Variants in DSE observed in about 807,000 individuals in gnomAD.
The protein encoded by DSE is dermatan sulfate epimerase.
Under a neutral mutation model 84.4 loss-of-function variants are expected in DSE, and 36 were observed. That is an observed-to-expected ratio of 0.43 (90% CI 0.33 to 0.56). The LOEUF (loss-of-function observed/expected upper bound fraction) is 0.56. Ranked by LOEUF, DSE falls within the 20% of genes least tolerant of loss-of-function variation. The pLI is 0.06. For missense variants in DSE, 862 were observed against 1,169.6 expected, an observed-to-expected ratio of 0.74 and a Z score of 3.84; for synonymous variants, 410 against 430.1, an observed-to-expected ratio of 0.95 and a Z score of 0.58.
At chr6:116,281,457 G>A (rs1484230183) in intron 2 of DSE, among the ~76,000 whole-genome samples, 2 of 152,194 alleles carry the variant, frequency 1.3e-5, no homozygotes, top group African/African-American at 4.8e-5. Flanking sequence ...ATCTATGGGT[G>A]CCTCAAGTTG....
chr6:116,396,527 G>A (rs927617206), intron 1 of DSE, among the ~76,000 whole-genome samples: 8 of 152,124 alleles, frequency 5.3e-5, no homozygotes, highest in Non-Finnish European at 7.4e-5. Context: ...TATTTTAAAT[G>A]TACAGTAATG....
intron 2 of DSE, among the ~76,000 whole-genome samples, chr6:116,334,442 GCT>G (rs1222382606): frequency 6.6e-6 from 1 of 152,092 alleles, no homozygotes; most frequent in Non-Finnish European, 1.5e-5. Flanking sequence ...AGAGAATTAG[GCT>G]CTCTTTGCCA....
At chr6:116,318,401 G>A (rs1280204930) in intron 2 of DSE, among the ~76,000 whole-genome samples, 2 of 152,172 alleles carry the variant, frequency 1.3e-5, no homozygotes, top group African/African-American at 4.8e-5. Flanking sequence ...AGCTACTTGG[G>A]AGGCTGAGGC....
chr6:116,259,890 T>C (rs961243212), intron 2 of DSE, among the ~76,000 whole-genome samples: 5 of 152,250 alleles, frequency 3.3e-5, no homozygotes, highest in African/African-American at 1.2e-4. Flanking sequence ...TAGCCTATCA[T>C]TGATGAGCAT....
At chr6:116,402,054 A>G (rs933036921) in intron 2 of DSE, among the ~76,000 whole-genome samples, 3 of 152,190 alleles carry the variant, frequency 2.0e-5, no homozygotes, top group Non-Finnish European at 2.9e-5. Context: ...TTGATCAACA[A>G]ACGTTTATTG....
chr6:116,382,245 AT>A (rs1262057422), intron 1 of DSE, among the ~76,000 whole-genome samples: 9 of 152,180 alleles, frequency 5.9e-5, no homozygotes, highest in Non-Finnish European at 1.0e-4. Context: ...GTGGAACAAA[AT>A]TTAACCTTTA....
chr6:116,312,474 G>C lies in DSE; in HGVS notation c.-54+53507G>C, dbSNP rs563129233. ...GGGATTTAATGGTGAGGAAGCATAA[G>C]GAGCATTTCAGGAAAGCATTGCAGC... On this transcript the variant is annotated intron_variant, in intron 2 of 3. Transcript: ENST00000430252. Among the ~76,000 whole-genome samples the C allele has an allele frequency of 2.3e-4, 35 of 152,280 alleles. No individual in the cohort carries two copies. The South Asian group carries it at 5.8e-3, about 25-fold the overall frequency.
At position 116,374,233 on chromosome 6, in the gene DSE, ATT is replaced by A. The variant is rs1413904527; in HGVS notation, c.-54+3113_-54+3114del. ...AGCATATATTAAATATTACATAACC[ATT>A]AGCATACTTGAATCATAAATATAGT... is the stretch of plus-strand genomic sequence containing the variant. On this transcript the variant is annotated intron_variant, in intron 1 of 5. Coordinates refer to ENST00000644252, the MANE Select transcript of DSE (RefSeq NM_013352.4). Among the ~76,000 whole-genome samples, 8 of 152,354 alleles carry A rather than the reference ATT, an allele frequency of 5.3e-5. No individual in the cohort carries two copies. The East Asian group carries it at 1.5e-3, about 29-fold the overall frequency.
At chr6:116,374,066 C>T (rs1779774487) in intron 1 of DSE, among the ~76,000 whole-genome samples, 1 of 152,132 alleles carries the variant, frequency 6.6e-6, no homozygotes, top group African/African-American at 2.4e-5. Flanking sequence ...ATTACATAAC[C>T]TGAAACTGTC....
chr6:116,274,968 T>C (rs1773057862), intron 2 of DSE, among the ~76,000 whole-genome samples: 1 of 152,230 alleles, frequency 6.6e-6, no homozygotes, highest in Admixed American at 6.5e-5. Context: ...GTAGCCACAT[T>C]AAACAATGGC....
chr6:116,382,086 C>T (rs1446428879), intron 1 of DSE, among the ~76,000 whole-genome samples: 13 of 142,466 alleles, frequency 9.1e-5, no homozygotes, highest in African/African-American at 3.4e-4. Flanking sequence ...CAAATTTCCA[C>T]TCTTTATAAA....
At chr6:116,366,356 C>T (rs925649748), upstream of DSE, 4 of 152,150 alleles carry the variant, frequency 2.6e-5, no homozygotes, top group African/African-American at 4.8e-5. Flanking sequence ...ATTTAATAAA[C>T]GTGCCCTCTG....
intron 2 of DSE, among the ~76,000 whole-genome samples, chr6:116,406,937 C>T (rs151246975): frequency 2.6e-5 from 4 of 152,048 alleles, no homozygotes; most frequent in Admixed American, 6.6e-5. Context: ...AAAAAAGAAA[C>T]GGTTAGAAGC....
rs748503331 is a variant in DSE at position 116,279,435 on chromosome 6, T to C, written c.-54+20468T>C. 1.6e-5 allele frequency: 26 copies of C among 1,613,398 alleles called. No homozygotes were observed. The Admixed American group carries it at 4.0e-4, about 25-fold the overall frequency. On this transcript the variant is annotated intron_variant, in intron 2 of 3. Transcript: ENST00000430252. ...CGGATCTCTGGGCGCCACAGATTTC[T>C]AGGGCCTTCTCTCCACCCTGAACGC...
intron 2 of DSE, among the ~76,000 whole-genome samples, chr6:116,302,185 T>A (rs9372459): frequency 6.6e-6 from 1 of 152,160 alleles, no homozygotes; most frequent in Non-Finnish European, 1.5e-5. Context: ...GGTATTTCTG[T>A]TTCTCGATCC....
At chr6:116,425,779 C>A (rs909363250) in intron 2 of DSE, among the ~76,000 whole-genome samples, 1 of 151,484 alleles carries the variant, frequency 6.6e-6, no homozygotes, top group African/African-American at 2.4e-5. Flanking sequence ...CCCGCCAACA[C>A]GCCCGGCTAA....
At chr6:116,390,030 TGC>T (rs1186231081) in intron 1 of DSE, among the ~76,000 whole-genome samples, 10 of 152,050 alleles carry the variant, frequency 6.6e-5, no homozygotes, top group Admixed American at 1.3e-4. Flanking sequence ...TAGATTTTCT[TGC>T]CCACTTTGTA....
chr6:116,338,219 C>CTTTTTTTTTTTTTTTTTTTTTTT (rs893312210), intron 2 of DSE, among the ~76,000 whole-genome samples: 1 of 91,192 alleles, frequency 1.1e-5, no homozygotes, highest in African/African-American at 4.6e-5. Flanking sequence ...TTTCTTCTTT[C>CTTTTTTTTTTTTTTTTTTTTTTT]TTTTTTTTTT....
intron 2 of DSE, among the ~76,000 whole-genome samples, chr6:116,275,609 G>C (rs1773097877): frequency 6.6e-6 from 1 of 152,096 alleles, no homozygotes; most frequent in African/African-American, 2.4e-5. Context: ...GACCATCCTG[G>C]CTAACATGGT....
Sources: gnomAD v4.1 joint callset for allele counts (sites outside exome capture counted in the v4.1 genomes callset) on GRCh38, gnomAD v4.1.1 for gene constraint, MANE v1.5 for transcripts, NCBI Gene and HGNC (gene_info 2026-07-23, HGNC 2026-07-21) for gene names.